Variants in HDAC4 observed in about 807,000 individuals in gnomAD.
The protein encoded by HDAC4 is histone deacetylase A.
Under a neutral mutation model 135.1 loss-of-function variants are expected in HDAC4, and 16 were observed. The observed-to-expected ratio is 0.12, with a 90% CI of 0.08 to 0.18. HDAC4 has a LOEUF of 0.18. Ranked by LOEUF, HDAC4 falls within the 10% of genes least tolerant of loss-of-function variation. HDAC4 has a pLI of 1.00. For synonymous variants in HDAC4, 685 were observed against 653.4 expected, an observed-to-expected ratio of 1.05 and a Z score of -0.74; for missense variants, 1,143 against 1,511.8, an observed-to-expected ratio of 0.76 and a Z score of 4.05.
At chr2:239,199,599 T>A (rs77176790) in intron 3 of HDAC4, among the ~76,000 whole-genome samples, 3,423 of 152,278 alleles carry the variant, frequency 0.022, 144 homozygotes, top group African/African-American at 0.078. Flanking sequence ...GGTCACTGTT[T>A]ACGAATGCTC....
intron 24 of HDAC4, chr2:239,055,049 AT>A: frequency 2.1e-6 from 1 of 481,066 alleles, no homozygotes; most frequent in Non-Finnish European, 3.8e-6. Context: ...GCTATAAGAT[AT>A]TTGTGGGTTC....
intron 2 of HDAC4, among the ~76,000 whole-genome samples, chr2:239,327,313 C>T (rs1425423700): frequency 2.0e-5 from 3 of 152,176 alleles, no homozygotes; most frequent in Non-Finnish European, 1.5e-5. Context: ...AGCCGGGGCC[C>T]GATGAACGTT....
chr2:239,298,408 CAG>C, intron 2 of HDAC4: 1 of 1,174,878 alleles, frequency 8.5e-7, no homozygotes, highest in Non-Finnish European at 1.1e-6. Context: ...CAGAGGGAAA[CAG>C]GGTATCCTGA....
intron 2 of HDAC4, among the ~76,000 whole-genome samples, chr2:239,242,523 T>C (rs1202664367): frequency 6.6e-6 from 1 of 152,250 alleles, no homozygotes; most frequent in East Asian, 1.9e-4. Context: ...TCGTAGAATA[T>C]TAATTTCAAT....
intron 2 of HDAC4, among the ~76,000 whole-genome samples, chr2:239,320,086 C>A (rs2053255852): frequency 6.6e-6 from 1 of 151,904 alleles, no homozygotes; most frequent in Non-Finnish European, 1.5e-5. Flanking sequence ...GGGATAAAAA[C>A]AGAATGACTA....
intron 2 of HDAC4, among the ~76,000 whole-genome samples, chr2:239,337,459 C>T (rs987441781): frequency 1.3e-5 from 2 of 152,188 alleles, no homozygotes; most frequent in Non-Finnish European, 2.9e-5. Context: ...CTTCCTCTCT[C>T]TAACAGGAAG....
rs1360522490 is a variant in HDAC4 at position 239,352,248 on chromosome 2, C to T, written c.22+430G>A. On this transcript the variant is annotated intron_variant, in intron 2 of 26. Transcript: ENST00000543185. The surrounding 1 kb of genome is among the most constrained non-coding windows in gnomAD (Gnocchi z 4.4). Reference sequence around the variant, plus strand: ...CACCAGGAGCAACTGTGGCCACGACCTCAGTGGGAACATGAGCTTCTTCCC... The same window carrying T: ...CACCAGGAGCAACTGTGGCCACGACTTCAGTGGGAACATGAGCTTCTTCCC... 2.0e-5 allele frequency among the ~76,000 whole-genome samples: 3 copies of T among 152,190 alleles called. No homozygotes were observed. The highest frequency in any genetic ancestry group is 2.9e-5 in the Non-Finnish European group (2 of 68,036).
intron 13 of HDAC4, among the ~76,000 whole-genome samples, 169 bp from the exon 14 acceptor site, chr2:239,111,881 C>T (rs562881935): frequency 6.6e-6 from 1 of 152,348 alleles, no homozygotes; most frequent in East Asian, 1.9e-4. Flanking sequence ...TGTGAGTGCC[C>T]TGAAGCCTGA....
chr2:239,189,868 G>T lies in HDAC4; in HGVS notation c.304C>A (p.Arg102=). ...EFQRQHEQLS[R]QHEAQLHEHI... is the part of the protein sequence containing the mutation. Reference sequence around the variant, plus strand: ...TCGTGGAGCTGCGCCTCGTGCTGCCGGGAGAGCTGCTCGTGCTGCCTCTGG... The same window carrying T: ...TCGTGGAGCTGCGCCTCGTGCTGCCTGGAGAGCTGCTCGTGCTGCCTCTGG... Residue 102 remains arginine (R), a synonymous_variant, in exon 4 of 27, where the codon CGG becomes AGG. Transcript: ENST00000543185. The T allele has an allele frequency of 6.2e-7, 1 of 1,609,674 alleles. No homozygotes were observed.
intron 12 of HDAC4, among the ~76,000 whole-genome samples, chr2:239,126,221 G>A (rs993526907): frequency 4.9e-4 from 75 of 152,202 alleles, no homozygotes; most frequent in African/African-American, 1.4e-3. Context: ...CTGGCCCTGC[G>A]CGTCCCACTC....
intron 22 of HDAC4, among the ~76,000 whole-genome samples, chr2:239,073,260 G>C (rs2034380917): frequency 6.6e-6 from 1 of 152,216 alleles, no homozygotes; most frequent in Non-Finnish European, 1.5e-5. Context: ...ATTTCCCCTA[G>C]ACCTGCCTCT....
At chr2:239,070,672 C>T (rs1449749444) in intron 22 of HDAC4, among the ~76,000 whole-genome samples, 4 of 152,240 alleles carry the variant, frequency 2.6e-5, no homozygotes, top group Non-Finnish European at 5.9e-5. Context: ...GACAGGTGGT[C>T]TGGTGTCTTC....
intron 2 of HDAC4, among the ~76,000 whole-genome samples, chr2:239,283,192 G>T (rs552573237): frequency 6.6e-6 from 1 of 152,264 alleles, no homozygotes; most frequent in Non-Finnish European, 1.5e-5. Flanking sequence ...AGGACACCAC[G>T]GGCCTGGCCC....
rs776321663 is a variant in HDAC4 at position 239,146,874 on chromosome 2, C to T, written c.734-2160G>A. ...ATTCTTCTGTCCCCTCACCTGTTTA[C>T]CCCCTGCCTCCCAGCCTGCACACCT... On this transcript the variant is annotated intron_variant, in intron 7 of 26. Coordinates refer to ENST00000543185, the MANE Select transcript of HDAC4 (RefSeq NM_001378414.1). The surrounding 1 kb of genome is among the most constrained non-coding windows in gnomAD (Gnocchi z 4.5). 2.6e-5 allele frequency among the ~76,000 whole-genome samples: 4 copies of T among 152,074 alleles called. No homozygotes were observed. The highest frequency in any genetic ancestry group is 4.8e-5 in the African/African-American group (2 of 41,404).
chr2:239,387,115 C>T (rs576565254), intron 1 of HDAC4, among the ~76,000 whole-genome samples: 25 of 152,358 alleles, frequency 1.6e-4, no homozygotes, highest in Non-Finnish European at 2.1e-4. Flanking sequence ...GTGTGTGGCA[C>T]GTGCACACGC....
At chr2:239,329,241 C>A (rs570732496) in intron 2 of HDAC4, among the ~76,000 whole-genome samples, 17 of 152,316 alleles carry the variant, frequency 1.1e-4, no homozygotes, top group African/African-American at 4.1e-4. Context: ...ACCAGCTGTG[C>A]AGACCCCAAA....
intron 1 of HDAC4, among the ~76,000 whole-genome samples, chr2:239,353,602 C>T (rs56329707): frequency 0.016 from 2,370 of 152,230 alleles, 17 homozygotes; most frequent in Middle Eastern, 0.024. Context: ...AGAATGTCTC[C>T]AGGGAGTGCC....
At chr2:239,064,562 TG>T (rs2033226927) in intron 24 of HDAC4, among the ~76,000 whole-genome samples, 2 of 152,150 alleles carry the variant, frequency 1.3e-5, no homozygotes, top group South Asian at 4.1e-4. Context: ...GGGTCTTGAC[TG>T]CTCACAATAA....
chr2:239,318,541 G>A (rs535072904), intron 2 of HDAC4, among the ~76,000 whole-genome samples: 1 of 152,224 alleles, frequency 6.6e-6, no homozygotes, highest in South Asian at 2.1e-4. Context: ...GCCTACAGAT[G>A]AGAGAACAAT....
Sources: gnomAD v4.1 joint callset for allele counts (sites outside exome capture counted in the v4.1 genomes callset) on GRCh38, gnomAD v4.1.1 for gene constraint, Gnocchi (gnomAD v3.1) non-coding constraint, MANE v1.5 for transcripts, NCBI Gene and HGNC (gene_info 2026-07-23, HGNC 2026-07-21) for gene names.